TLK1: variants seen among roughly 807,000 people sequenced by gnomAD.
TLK1 encodes the protein tousled like kinase 1.
TLK1 carries 24 observed loss-of-function variants against 105.3 expected under a neutral mutation model. The observed-to-expected ratio is 0.23, with a 90% CI of 0.17 to 0.32. The LOEUF is 0.32. TLK1 is among the 10% of genes least tolerant of loss of function. The probability of loss-of-function intolerance (pLI) is 1.00; values close to 1 mark genes in which losing one functional copy is unlikely to be tolerated. For missense variants in TLK1, 558 were observed against 910.5 expected, an observed-to-expected ratio of 0.61 and a Z score of 4.98; for synonymous variants, 321 against 310.4, an observed-to-expected ratio of 1.03 and a Z score of -0.36.
intron 1 of TLK1, among the ~76,000 whole-genome samples, chr2:171,121,660 CATGTATGTGCT>C (rs1220722284): frequency 1.3e-5 from 2 of 152,266 alleles, no homozygotes; most frequent in Non-Finnish European, 2.9e-5. Flanking sequence ...ATTTATAAAG[CATGTATGTGCT>C]ATATACTATG....
At chr2:171,127,420 C>T (rs1349063089) in intron 1 of TLK1, among the ~76,000 whole-genome samples, 1 of 151,896 alleles carries the variant, frequency 6.6e-6, no homozygotes, top group African/African-American at 2.4e-5. Context: ...ATATTTTGTA[C>T]CATATTTAGC....
At chr2:171,015,877 G>A (rs1422907377) in intron 12 of TLK1, among the ~76,000 whole-genome samples, 1 of 151,930 alleles carries the variant, frequency 6.6e-6, no homozygotes, top group African/African-American at 2.4e-5. Flanking sequence ...TCGGGAGTTC[G>A]AGACCAGCCT....
chr2:170,993,685 A>AAAAAAAAT lies in TLK1; in HGVS notation c.*94_*95insATTTTTTT. ...GTCTTGTGTAAAAAAAAAAAAAAAA[A>AAAAAAAAT]AAAAAGAAAAAGAAAACAAACACTC... On this transcript the variant is annotated 3_prime_UTR_variant, in exon 21 of 21. Coordinates refer to ENST00000431350, the MANE Select transcript of TLK1 (RefSeq NM_012290.5). The AAAAAAAAT allele has an allele frequency of 2.0e-6, 2 of 994,246 alleles. No individual in the cohort carries two copies. The highest frequency in any genetic ancestry group is 2.7e-6 in the Non-Finnish European group (2 of 742,526). 61.6% of individuals were successfully genotyped at this position (994,246 alleles called of 1,614,324 possible).
chr2:171,103,282 A>ATATATATATATATAT (rs55949414), intron 2 of TLK1, among the ~76,000 whole-genome samples: 10 of 147,844 alleles, frequency 6.8e-5, no homozygotes, highest in African/African-American at 1.6e-4. Flanking sequence ...ATATATATAT[A>ATATATATATATATAT]ATTTTTTTTG....
intron 11 of TLK1, among the ~76,000 whole-genome samples, chr2:171,045,038 G>C (rs1412023948): frequency 6.6e-6 from 1 of 151,960 alleles, no homozygotes; most frequent in Non-Finnish European, 1.5e-5. Flanking sequence ...AATTGAGGGA[G>C]AGTTTTTTAA....
intron 1 of TLK1, among the ~76,000 whole-genome samples, chr2:171,201,714 A>G (rs1477892779): frequency 6.6e-6 from 1 of 152,112 alleles, no homozygotes; most frequent in African/African-American, 2.4e-5. Context: ...CTTTCACTTA[A>G]AGTTTTCTGT....
At chr2:171,183,132 A>G (rs6721268) in intron 1 of TLK1, among the ~76,000 whole-genome samples, 3,328 of 152,274 alleles carry the variant, frequency 0.022, 54 homozygotes, top group Non-Finnish European at 0.032. Flanking sequence ...AAAAATCATG[A>G]TACATTACAT....
intron 13 of TLK1, 78 bp from the exon 14 acceptor site, chr2:171,011,532 T>C: frequency 8.7e-7 from 1 of 1,155,140 alleles, no homozygotes; most frequent in African/African-American, 1.6e-5. Context: ...TCTACTCTCT[T>C]ATTCTATTCC....
chr2:171,003,273 C>CAAAAAAAAAAAAAAAAAAA (rs777049271), intron 18 of TLK1, among the ~76,000 whole-genome samples: 3 of 68,508 alleles, frequency 4.4e-5, no homozygotes, highest in Admixed American at 1.6e-4. Flanking sequence ...GACTCCGTCT[C>CAAAAAAAAAAAAAAAAAAA]AAAAAAAAAA....
At chr2:171,045,543 G>A (rs951726890) in intron 11 of TLK1, 2 of 151,978 alleles carry the variant, frequency 1.3e-5, no homozygotes, top group Non-Finnish European at 2.9e-5. Flanking sequence ...GTGAGTTTAC[G>A]TAAGTTCTTC....
At chr2:171,032,408 T>G (rs747325553) in intron 11 of TLK1, among the ~76,000 whole-genome samples, 1 of 152,092 alleles carries the variant, frequency 6.6e-6, no homozygotes, top group Non-Finnish European at 1.5e-5. Context: ...CTGCAGGGTA[T>G]GAGAGCAATG....
chr2:171,157,981 G>A (rs1414453509), intron 1 of TLK1, among the ~76,000 whole-genome samples: 3 of 152,202 alleles, frequency 2.0e-5, no homozygotes, highest in East Asian at 3.9e-4. Context: ...CAGTTAAAAA[G>A]CTTTCTAAAA....
At chr2:171,082,703 G>A in intron 3 of TLK1, 78 bp downstream of exon 3, 1 of 1,163,260 alleles carries the variant, frequency 8.6e-7, no homozygotes, top group Non-Finnish European at 1.3e-6. Flanking sequence ...AAGAACTGAT[G>A]AAGAAACAAA....
At chr2:171,034,584 G>A (rs1275663967) in intron 11 of TLK1, among the ~76,000 whole-genome samples, 5 of 152,198 alleles carry the variant, frequency 3.3e-5, no homozygotes, top group Non-Finnish European at 7.3e-5. Context: ...GGTGAGAAGA[G>A]AAAGGGCTAG....
upstream of TLK1, chr2:171,160,968 C>T (rs1692475510): frequency 6.9e-6 from 1 of 145,870 alleles, no homozygotes; most frequent in South Asian, 1.9e-4. This position sits in a 1 kb window ranked among gnomAD's most constrained non-coding sequence, Gnocchi z 4.4. Flanking sequence ...CCTCCGGTAG[C>T]GGCGGCGGCG....
chr2:171,063,575 C>A (rs112028288), intron 3 of TLK1, among the ~76,000 whole-genome samples: 1 of 152,062 alleles, frequency 6.6e-6, no homozygotes, highest in South Asian at 2.1e-4. Context: ...AAAACCCATA[C>A]AAAATGTTAT....
intron 11 of TLK1, among the ~76,000 whole-genome samples, chr2:171,035,715 T>C (rs558183994): frequency 1.6e-4 from 25 of 152,316 alleles, no homozygotes; most frequent in African/African-American, 5.8e-4. Flanking sequence ...CAGGGAGTTA[T>C]TCTGCATTAC....
At chr2:171,086,524 T>A (rs1688981332) in intron 2 of TLK1, among the ~76,000 whole-genome samples, 1 of 150,092 alleles carries the variant, frequency 6.7e-6, no homozygotes. Context: ...TACTAGAGAG[T>A]CTGAGGCAGG....
At chr2:171,176,264 T>A (rs1692822664) in intron 1 of TLK1, among the ~76,000 whole-genome samples, 1 of 152,084 alleles carries the variant, frequency 6.6e-6, no homozygotes, top group South Asian at 2.1e-4. Context: ...TTTAAAGCAG[T>A]CCAGGTGATT....
Sources: gnomAD v4.1 joint callset for allele counts (sites outside exome capture counted in the v4.1 genomes callset) on GRCh38, gnomAD v4.1.1 for gene constraint, Gnocchi (gnomAD v3.1) non-coding constraint, MANE v1.5 for transcripts, NCBI Gene and HGNC (gene_info 2026-07-23, HGNC 2026-07-21) for gene names.